The following NDST3 variants were observed in gnomAD, a reference collection of about 807,000 sequenced individuals.
NDST3 encodes bifunctional heparan sulfate N-deacetylase/N-sulfotransferase 3.
Under a neutral mutation model 96.1 loss-of-function variants are expected in NDST3, and 58 were observed. The observed-to-expected ratio is 0.60, with a 90% CI of 0.49 to 0.75. NDST3 has a LOEUF of 0.75. Among genes scored for constraint, NDST3 ranks in the 30% least tolerant of loss-of-function variants. The probability of loss-of-function intolerance (pLI) is 0.00; values close to 1 mark genes in which losing one functional copy is unlikely to be tolerated. For missense variants in NDST3, 788 were observed against 1,034.2 expected (o/e 0.76, Z 3.27); for synonymous variants, 333 against 359.7 (o/e 0.93, Z 0.84).
chr4:118,192,037 T>C (rs1737339979), intron 6 of NDST3, among the ~76,000 whole-genome samples: 1 of 152,244 alleles, frequency 6.6e-6, no homozygotes, highest in Non-Finnish European at 1.5e-5. Context: ...TGATGATCAA[T>C]GATGTTGAGC....
intron 10 of NDST3, among the ~76,000 whole-genome samples, chr4:118,237,421 TAATC>T (rs1158777956): frequency 1.3e-5 from 2 of 152,174 alleles, no homozygotes; most frequent in South Asian, 2.1e-4. Flanking sequence ...TTTATTAACT[TAATC>T]AATTAATTTA....
At chr4:118,192,725 G>T (rs11934512) in intron 6 of NDST3, among the ~76,000 whole-genome samples, 2,994 of 138,658 alleles carry the variant, frequency 0.022, 40 homozygotes, top group South Asian at 0.03. Flanking sequence ...TTTTTTTTTT[G>T]TTTTTATTGT....
chr4:118,072,215 CT>C (rs963029539), intron 2 of NDST3, among the ~76,000 whole-genome samples: 2 of 151,798 alleles, frequency 1.3e-5, no homozygotes, highest in South Asian at 2.1e-4. Flanking sequence ...TATTCAGGCA[CT>C]TTTTTTTGTT....
chr4:118,244,638 C>G (rs1741199512), intron 12 of NDST3, among the ~76,000 whole-genome samples: 1 of 152,124 alleles, frequency 6.6e-6, no homozygotes, highest in Non-Finnish European at 1.5e-5. Flanking sequence ...GCTATGCAAT[C>G]TTGGTGTGAA....
intron 6 of NDST3, among the ~76,000 whole-genome samples, chr4:118,166,131 T>C (rs943520508): frequency 1.3e-5 from 2 of 151,792 alleles, no homozygotes; most frequent in Admixed American, 1.3e-4. Context: ...AAATTGGTTT[T>C]TTGAAATGAT....
chr4:118,108,751 T>C (rs1270535748), intron 3 of NDST3, among the ~76,000 whole-genome samples: 1 of 152,210 alleles, frequency 6.6e-6, no homozygotes, highest in East Asian at 1.9e-4. Context: ...CAACTACATA[T>C]AACTTTCACC....
intron 2 of NDST3, among the ~76,000 whole-genome samples, chr4:118,097,171 C>T (rs1371575695): frequency 2.6e-5 from 4 of 151,918 alleles, no homozygotes; most frequent in Non-Finnish European, 5.9e-5. Context: ...CCCCATAGCT[C>T]ATTCAAGTTC....
At position 118,105,155 on chromosome 4, in the gene NDST3, A is replaced by T. The variant is rs144222285; in HGVS notation, c.1069+50A>T. The T allele has an allele frequency of 8.7e-5, 123 of 1,421,940 alleles. 1 individual carries two copies. The East Asian group carries it at 2.7e-3, about 31-fold the overall frequency. The allele number at this position is 1,421,940 out of a possible 1,614,324, so 88.1% of individuals were successfully genotyped here. On this transcript the variant is annotated intron_variant, in intron 3 of 13. Transcript: ENST00000296499. ...TCATTAAGGCTTCTCTGATCACTCT[A>T]TTTAAAATTGCACACTTTTCCTGCC...
intron 1 of NDST3, among the ~76,000 whole-genome samples, chr4:118,040,009 G>T (rs930598181): frequency 2.0e-5 from 3 of 152,218 alleles, no homozygotes; most frequent in African/African-American, 7.2e-5. Flanking sequence ...ATGCTGCATT[G>T]AGAAAATGGT....
intron 6 of NDST3, among the ~76,000 whole-genome samples, chr4:118,169,888 G>C (rs1295181214): frequency 6.6e-6 from 1 of 152,064 alleles, no homozygotes; most frequent in Non-Finnish European, 1.5e-5. Flanking sequence ...GGAAAACCAG[G>C]TGGCAGTGAC....
At chr4:118,192,248 T>C (rs1192845853) in intron 6 of NDST3, among the ~76,000 whole-genome samples, 1 of 152,230 alleles carries the variant, frequency 6.6e-6, no homozygotes, top group East Asian at 1.9e-4. Flanking sequence ...CTCTTCACTT[T>C]GTTGATTGTT....
Position 118,167,535 on chromosome 4 carries a change from T to A in NDST3, c.1539+23851T>A, listed in dbSNP as rs547752548. On this transcript the variant is annotated intron_variant, in intron 6 of 13. Transcript: ENST00000296499. The stretch of plus-strand genomic sequence containing the variant: ...AAACCTCATCAAAATCCCAGTGGCA[T>A]TTTTTACCGAAATAGAAAAAACAAT... Among the ~76,000 whole-genome samples the A allele has an allele frequency of 4.6e-5, 7 of 152,072 alleles. No homozygotes were observed. The East Asian group carries it at 1.4e-3, about 29-fold the overall frequency.
At chr4:118,037,317 C>A (rs1724205793) in intron 1 of NDST3, among the ~76,000 whole-genome samples, 1 of 152,170 alleles carries the variant, frequency 6.6e-6, no homozygotes, top group Admixed American at 6.5e-5. Context: ...TTGTACCAGG[C>A]ACTGTTCTAC....
intron 2 of NDST3, among the ~76,000 whole-genome samples, chr4:118,080,068 C>A (rs1420170290): frequency 6.6e-6 from 1 of 152,122 alleles, no homozygotes; most frequent in Non-Finnish European, 1.5e-5. Flanking sequence ...ACCTGATCCT[C>A]TGTATCAATT....
intron 4 of NDST3, among the ~76,000 whole-genome samples, chr4:118,137,791 G>C (rs1007916484): frequency 6.6e-6 from 1 of 152,022 alleles, no homozygotes; most frequent in African/African-American, 2.4e-5. Flanking sequence ...CAAAATAGAG[G>C]CTCTTTCAAA....
At chr4:118,051,221 C>G (rs2110441525) in intron 1 of NDST3, among the ~76,000 whole-genome samples, 2 of 152,152 alleles carry the variant, frequency 1.3e-5, no homozygotes, top group South Asian at 4.1e-4. Context: ...AAAATTAACT[C>G]AAGGTAATTT....
At chr4:118,223,197 C>A (rs1739662881) in intron 6 of NDST3, among the ~76,000 whole-genome samples, 1 of 151,858 alleles carries the variant, frequency 6.6e-6, no homozygotes, top group African/African-American at 2.4e-5. Flanking sequence ...AAAAAAACTT[C>A]CAAATTTAAG....
chr4:118,046,258 TC>T (rs1407581672), intron 1 of NDST3, among the ~76,000 whole-genome samples: 3 of 152,066 alleles, frequency 2.0e-5, no homozygotes, highest in African/African-American at 7.2e-5. Context: ...GGGCCCCGCA[TC>T]CCCCATGGAC....
At chr4:118,242,273 A>C in intron 12 of NDST3, 124 bp downstream of exon 12, 1 of 572,968 alleles carries the variant, frequency 1.7e-6, no homozygotes, top group Non-Finnish European at 3.1e-6. Flanking sequence ...TTTCAATTTG[A>C]CATTAACCAC....
Sources: allele counts gnomAD v4.1 joint callset (sites outside exome capture counted in the v4.1 genomes callset), GRCh38; gene constraint gnomAD v4.1.1; transcripts MANE v1.5; gene names NCBI Gene and HGNC (gene_info 2026-07-23, HGNC 2026-07-21).